The following PRKG1 variants were observed in gnomAD, a reference collection of about 807,000 sequenced individuals.
PRKG1 encodes the protein protein kinase cGMP-dependent 1.
Under a neutral mutation model 88.1 loss-of-function variants are expected in PRKG1, and 35 were observed. That is an observed-to-expected ratio of 0.40 (90% CI 0.30 to 0.53). PRKG1 has a LOEUF of 0.53. PRKG1 is among the 20% of genes least tolerant of loss of function. The probability of loss-of-function intolerance (pLI) is 0.59; values close to 1 mark genes in which losing one functional copy is unlikely to be tolerated. For synonymous variants in PRKG1, 303 were observed against 292.5 expected (o/e 1.04, Z -0.37); for missense variants, 540 against 839.8 (o/e 0.64, Z 4.41).
chr10:51,635,132 T>C (rs1375852916), intron 3 of PRKG1, among the ~76,000 whole-genome samples: 1 of 152,110 alleles, frequency 6.6e-6, no homozygotes, highest in Non-Finnish European at 1.5e-5. Flanking sequence ...TTGACTGGCA[T>C]GCAGAACATA....
intron 3 of PRKG1, among the ~76,000 whole-genome samples, chr10:51,516,304 A>G (rs1217187528): frequency 6.6e-6 from 1 of 152,054 alleles, no homozygotes; most frequent in Non-Finnish European, 1.5e-5. Flanking sequence ...GCTGTCTCCG[A>G]AGTCAAGTTG....
chr10:51,072,824 C>G (rs1249881929), upstream of PRKG1, among the ~76,000 whole-genome samples: 4 of 152,150 alleles, frequency 2.6e-5, no homozygotes, highest in South Asian at 4.1e-4. Context: ...ACCTTGACCT[C>G]CCTCCCTCCT....
Position 50,991,332 on chromosome 10 carries a change from G to GCCA in PRKG1, c.-45_-44insACC, listed in dbSNP as rs1171628789. 2.0e-6 allele frequency: 3 copies of GCCA among 1,495,016 alleles called. No individual in the cohort carries two copies. Among genetic ancestry groups the GCCA allele is most frequent in the East Asian group, 5.5e-5 (2 of 36,186 alleles). The allele number at this position is 1,495,016 out of a possible 1,614,324, so 92.6% of individuals were successfully genotyped here. A position where few individuals can be genotyped will look rare whatever the true frequency, so the allele number is the denominator to read the frequency against. On this transcript the variant is annotated 5_prime_UTR_variant, in exon 1 of 18. Transcript: ENST00000401604. The surrounding 1 kb of genome is among the most constrained non-coding windows in gnomAD (Gnocchi z 4.5). ...CCCAGCCGCCGCCGCCGCCGCCGCC[G>GCCA]CCGCCGCCGCCCGAGAAAAAGTTTC... is the stretch of plus-strand genomic sequence containing the variant.
At chr10:51,020,492 T>C (rs1843120919) in intron 1 of PRKG1, among the ~76,000 whole-genome samples, 1 of 152,226 alleles carries the variant, frequency 6.6e-6, no homozygotes, top group African/African-American at 2.4e-5. Flanking sequence ...AATCCCTGCC[T>C]TCACAGCTTA....
At chr10:51,875,267 C>T (rs1240088596) in intron 4 of PRKG1, among the ~76,000 whole-genome samples, 2 of 151,100 alleles carry the variant, frequency 1.3e-5, no homozygotes, top group Non-Finnish European at 2.9e-5. Context: ...TTAGACCATA[C>T]AGCTGGTAAC....
At chr10:51,659,612 C>A (rs1840245509) in intron 3 of PRKG1, among the ~76,000 whole-genome samples, 2 of 152,182 alleles carry the variant, frequency 1.3e-5, no homozygotes, top group African/African-American at 2.4e-5. Context: ...TGCACAGTAT[C>A]AAGAGATGAA....
At chr10:52,042,373 G>A (rs892746917) in intron 5 of PRKG1, among the ~76,000 whole-genome samples, 4 of 151,896 alleles carry the variant, frequency 2.6e-5, no homozygotes, top group Admixed American at 6.6e-5. Flanking sequence ...GCATAAAAAC[G>A]GATACACAGA....
chr10:51,516,930 A>G (rs1276915188), intron 3 of PRKG1, among the ~76,000 whole-genome samples: 1 of 152,208 alleles, frequency 6.6e-6, no homozygotes, highest in Non-Finnish European at 1.5e-5. Flanking sequence ...AACCATAGGA[A>G]GAACTATTGA....
chr10:51,824,597 A>G (rs1047706219), intron 4 of PRKG1, among the ~76,000 whole-genome samples: 1 of 152,142 alleles, frequency 6.6e-6, no homozygotes, highest in African/African-American at 2.4e-5. Flanking sequence ...AAAGAGGTTT[A>G]TTTGGTTCAT....
At chr10:52,189,867 A>G (rs1373334672) in intron 9 of PRKG1, among the ~76,000 whole-genome samples, 1 of 152,230 alleles carries the variant, frequency 6.6e-6, no homozygotes, top group African/African-American at 2.4e-5. Flanking sequence ...CCTGCCATTG[A>G]GGGCTGTTGT....
intron 9 of PRKG1, among the ~76,000 whole-genome samples, chr10:52,183,939 AG>A (rs937947944): frequency 6.6e-6 from 1 of 152,158 alleles, no homozygotes; most frequent in African/African-American, 2.4e-5. Flanking sequence ...TTTTCCCTAC[AG>A]GGGGAAGTCC....
chr10:52,045,858 T>TG (rs1845851431), intron 5 of PRKG1, among the ~76,000 whole-genome samples: 2 of 152,052 alleles, frequency 1.3e-5, no homozygotes, highest in South Asian at 4.1e-4. Flanking sequence ...TTTTCACTCC[T>TG]GGGGGCATGA....
chr10:51,124,304 C>T (rs1564609509), intron 1 of PRKG1, among the ~76,000 whole-genome samples: 2 of 151,990 alleles, frequency 1.3e-5, no homozygotes, highest in African/African-American at 2.4e-5. Context: ...CCAAATTTGA[C>T]GTAATTATTA....
chr10:51,013,162 C>T (rs1424573731), intron 1 of PRKG1, among the ~76,000 whole-genome samples: 1 of 39,356 alleles, frequency 2.5e-5, no homozygotes, highest in African/African-American at 1.9e-4. Context: ...AGTTATATTA[C>T]TTTTTACACT....
intron 3 of PRKG1, among the ~76,000 whole-genome samples, chr10:51,727,004 T>C (rs10999116): frequency 0.1 from 15,876 of 151,840 alleles, 1,108 homozygotes; most frequent in African/African-American, 0.19. Context: ...TGGTCTCGAT[T>C]TCCTGACCTC....
Position 52,191,868 on chromosome 10 carries a change from T to TACAAATTA in PRKG1, c.1076+29905_1076+29906insACAAATTA, listed in dbSNP as rs1271803925. Among the ~76,000 whole-genome samples, 172 of 152,310 alleles carry TACAAATTA rather than the reference T, an allele frequency of 1.1e-3. 1 individual carries two copies. The highest frequency in any genetic ancestry group is 4.1e-3 in the African/African-American group (169 of 41,574). ...ATAGAATTATTATCCAATTTATTTT[T>TACAAATTA]TTCTTTGTATTTATTCCATCTATTA... On this transcript the variant is annotated intron_variant, in intron 9 of 17. Transcript: ENST00000373980.
intron 2 of PRKG1, among the ~76,000 whole-genome samples, chr10:51,454,838 G>A (rs556916751): frequency 6.6e-6 from 1 of 152,308 alleles, no homozygotes; most frequent in African/African-American, 2.4e-5. Context: ...TACAATTCAA[G>A]ATGAGATTTG....
intron 3 of PRKG1, among the ~76,000 whole-genome samples, chr10:51,759,554 G>GT (rs1305170342): frequency 6.6e-6 from 1 of 152,172 alleles, no homozygotes. Context: ...GATTACAGGT[G>GT]TGAGACACCA....
rs560411909 is a variant in PRKG1, at chr10:52,066,434, A to G, written c.935+3803A>G. 2.1e-4 allele frequency among the ~76,000 whole-genome samples: 32 copies of G among 152,298 alleles called. No individual in the cohort carries two copies. In the South Asian group the frequency reaches 6.4e-3, roughly 31 times the overall value. On this transcript the variant is annotated intron_variant, in intron 7 of 17. Transcript: ENST00000373980. The stretch of plus-strand genomic sequence containing the variant: ...TGTCTGGCACTTATCAAATACCCAC[A>G]TATTTTTTAACAAATGAATGAGTGA...
Sources: allele counts gnomAD v4.1 joint callset (sites outside exome capture counted in the v4.1 genomes callset), GRCh38; gene constraint gnomAD v4.1.1; non-coding constraint Gnocchi (gnomAD v3.1); transcripts MANE v1.5; gene names NCBI Gene and HGNC (gene_info 2026-07-23, HGNC 2026-07-21).